ALCAM: variants seen among roughly 807,000 people sequenced by gnomAD.
The protein encoded by ALCAM is CD166 antigen.
Under a neutral mutation model 70.9 loss-of-function variants are expected in ALCAM, and 30 were observed. That is an observed-to-expected ratio of 0.42 (90% CI 0.32 to 0.57). The LOEUF (loss-of-function observed/expected upper bound fraction) is 0.57. ALCAM is among the 20% of genes least tolerant of loss of function. The pLI is 0.11. For synonymous variants in ALCAM, 249 were observed against 242.5 expected (o/e 1.03, Z -0.25); for missense variants, 591 against 695.1 (o/e 0.85, Z 1.68).
In ALCAM at chr3:105,498,118, G is replaced by A. The variant is rs77639593; in HGVS notation, c.74-21949G>A. On this transcript the variant is annotated intron_variant, in intron 1 of 15. Transcript: ENST00000306107. Reference sequence around the variant, plus strand: ...TTACTGATATCGTACATTCATTATCGACTTAATGCTGAAAGATAAGTGTGA... The same window carrying A: ...TTACTGATATCGTACATTCATTATCAACTTAATGCTGAAAGATAAGTGTGA... Among the ~76,000 whole-genome samples the A allele has an allele frequency of 9.4e-4, 143 of 152,026 alleles. 1 individual carries two copies. The East Asian group carries it at 0.027, about 28-fold the overall frequency.
intron 4 of ALCAM, 140 bp from the exon 5 acceptor site, chr3:105,533,463 A>T (rs1238659358): frequency 7.8e-6 from 4 of 514,706 alleles, no homozygotes; most frequent in Non-Finnish European, 7.1e-6. Flanking sequence ...GAGAGCATGT[A>T]TTCAGTCTTT....
chr3:105,479,048 A>G (rs1938197415), intron 1 of ALCAM, among the ~76,000 whole-genome samples: 1 of 152,188 alleles, frequency 6.6e-6, no homozygotes, highest in African/African-American at 2.4e-5. Context: ...TAACAGATTT[A>G]GGAAACGAGA....
At chr3:105,509,861 A>G (rs979041761) in intron 1 of ALCAM, among the ~76,000 whole-genome samples, 20 of 152,192 alleles carry the variant, frequency 1.3e-4, no homozygotes, top group African/African-American at 4.6e-4. Flanking sequence ...TTTGTCTTAC[A>G]TTTAAGTCTT....
chr3:105,396,892 T>C (rs7644273), intron 1 of ALCAM, among the ~76,000 whole-genome samples: 106,517 of 151,954 alleles, frequency 0.7, 37,645 homozygotes, highest in East Asian at 0.93. Flanking sequence ...ATATGTATAC[T>C]TTTAGGTGGC....
intron 1 of ALCAM, among the ~76,000 whole-genome samples, chr3:105,395,469 GAC>G (rs915456368): frequency 6.6e-6 from 1 of 151,944 alleles, no homozygotes; most frequent in African/African-American, 2.4e-5. Flanking sequence ...ATACTCATGT[GAC>G]ATATTTTTTC....
intron 1 of ALCAM, among the ~76,000 whole-genome samples, chr3:105,468,773 A>C (rs1365933417): frequency 6.6e-6 from 1 of 151,316 alleles, no homozygotes; most frequent in East Asian, 1.9e-4. Flanking sequence ...TAGCGTGTCT[A>C]TATGCATTCA....
At chr3:105,573,607 T>A (rs911031903) in intron 15 of ALCAM, among the ~76,000 whole-genome samples, 7 of 152,196 alleles carry the variant, frequency 4.6e-5, no homozygotes, top group Non-Finnish European at 8.8e-5. Context: ...AAAAGAGGTA[T>A]GTTTCCATGG....
At chr3:105,390,626 G>T (rs979224892) in intron 1 of ALCAM, among the ~76,000 whole-genome samples, 10 of 151,924 alleles carry the variant, frequency 6.6e-5, no homozygotes, top group African/African-American at 2.4e-4. Flanking sequence ...GTCAATTTTT[G>T]CCTTTGTTGC....
At chr3:105,408,743 A>T (rs1464626805) in intron 1 of ALCAM, among the ~76,000 whole-genome samples, 1 of 152,140 alleles carries the variant, frequency 6.6e-6, no homozygotes, top group Non-Finnish European at 1.5e-5. Flanking sequence ...CAAAAGGAAC[A>T]GTCAGCAGAG....
chr3:105,416,879 A>G (rs1936519248), intron 1 of ALCAM, among the ~76,000 whole-genome samples: 1 of 152,128 alleles, frequency 6.6e-6, no homozygotes, highest in South Asian at 2.1e-4. Flanking sequence ...TGTGCAATTC[A>G]TACTCATAAT....
At chr3:105,456,663 A>G (rs1366068843) in intron 1 of ALCAM, among the ~76,000 whole-genome samples, 1 of 152,174 alleles carries the variant, frequency 6.6e-6, no homozygotes, top group Non-Finnish European at 1.5e-5. Flanking sequence ...ATATTAGTAC[A>G]GTAGAGTTCA....
At chr3:105,546,538 A>G (rs1485585567) in intron 9 of ALCAM, among the ~76,000 whole-genome samples, 1 of 151,450 alleles carries the variant, frequency 6.6e-6, no homozygotes, top group Non-Finnish European at 1.5e-5. Context: ...AAGGCTAGAC[A>G]AGTTCTAGGC....
intron 1 of ALCAM, among the ~76,000 whole-genome samples, chr3:105,456,799 C>T (rs547067841): frequency 6.6e-6 from 1 of 151,822 alleles, no homozygotes. Flanking sequence ...AGAGCTTCTG[C>T]GTATAATGAA....
intron 14 of ALCAM, chr3:105,553,290 TCTC>T (rs1940452865): frequency 5.0e-6 from 1 of 199,814 alleles, no homozygotes; most frequent in Admixed American, 6.6e-5. Context: ...GTCTTATACT[TCTC>T]ATCATCTCAC....
At chr3:105,433,947 G>C (rs1004089084) in intron 1 of ALCAM, among the ~76,000 whole-genome samples, 4 of 148,320 alleles carry the variant, frequency 2.7e-5, no homozygotes, top group Admixed American at 6.8e-5. Flanking sequence ...GAGTAATTAA[G>C]ATCAATGCAG....
chr3:105,383,805 G>A (rs1419032555), intron 1 of ALCAM, among the ~76,000 whole-genome samples: 1 of 151,702 alleles, frequency 6.6e-6, no homozygotes, highest in African/African-American at 2.4e-5. Flanking sequence ...TTTAAAAACT[G>A]TAGGTTTGTG....
intron 8 of ALCAM, among the ~76,000 whole-genome samples, chr3:105,544,414 T>C (rs73175433): frequency 0.1 from 15,280 of 151,552 alleles, 975 homozygotes; most frequent in Middle Eastern, 0.17. Context: ...ATACTTCCAT[T>C]AAGTCTTCAT....
At chr3:105,506,760 A>T (rs1221446732) in intron 1 of ALCAM, among the ~76,000 whole-genome samples, 2 of 152,264 alleles carry the variant, frequency 1.3e-5, no homozygotes, top group Non-Finnish European at 2.9e-5. Context: ...TGTCTCTTTT[A>T]AAATGGAAAG....
At chr3:105,377,210 T>C (rs539176092) in intron 1 of ALCAM, among the ~76,000 whole-genome samples, 10 of 152,292 alleles carry the variant, frequency 6.6e-5, no homozygotes, top group African/African-American at 2.4e-4. Context: ...TGGATTTTAC[T>C]GTACTATCAT....
Sources: allele counts gnomAD v4.1 joint callset (sites outside exome capture counted in the v4.1 genomes callset), GRCh38; gene constraint gnomAD v4.1.1; transcripts MANE v1.5; gene names NCBI Gene and HGNC (gene_info 2026-07-23, HGNC 2026-07-21).